Variants in RIGI observed in about 807,000 individuals in gnomAD.
The protein encoded by RIGI is RNA sensor RIG-I.
At chr9:32,504,397 G>A in the RIGI span, among the ~76,000 whole-genome samples, 31 of 152,228 alleles carry the variant, frequency 2.0e-4, no homozygotes, top group African/African-American at 7.5e-4. Context: ...AGTTGTCACA[G>A]CCCGGCACAG....
chr9:32,508,828 C>A, the RIGI span, among the ~76,000 whole-genome samples: 1 of 152,172 alleles, frequency 6.6e-6, no homozygotes, highest in African/African-American at 2.4e-5. Context: ...CCCTACAGAG[C>A]CCAGCAAGCT....
chr9:32,469,554 G>A, the RIGI span, among the ~76,000 whole-genome samples: 5 of 152,172 alleles, frequency 3.3e-5, no homozygotes, highest in Admixed American at 3.3e-4. Context: ...TCCGAACTGC[G>A]GGTTCTATGG....
the RIGI span, among the ~76,000 whole-genome samples, chr9:32,500,450 T>C: frequency 1.8e-4 from 27 of 152,346 alleles, no homozygotes; most frequent in Non-Finnish European, 3.1e-4. Context: ...TTTTGTTAGA[T>C]TTATTCCTAA....
the RIGI span, chr9:32,481,194 G>T: frequency 2.8e-6 from 2 of 702,330 alleles, no homozygotes; most frequent in Admixed American, 2.9e-5. Flanking sequence ...GACAACTTTT[G>T]GAGTTTGCTT....
At chr9:32,501,598 C>T in the RIGI span, among the ~76,000 whole-genome samples, 1 of 152,126 alleles carries the variant, frequency 6.6e-6, no homozygotes, top group Non-Finnish European at 1.5e-5. Context: ...GGTGGTCATT[C>T]TAACTTTGTA....
At chr9:32,485,652 T>C in the RIGI span, 3 of 389,332 alleles carry the variant, frequency 7.7e-6, no homozygotes, top group African/African-American at 2.2e-5. Flanking sequence ...GTGATTCTTC[T>C]GCCTCAGCCT....
At chr9:32,499,933 C>CT in the RIGI span, among the ~76,000 whole-genome samples, 1 of 152,172 alleles carries the variant, frequency 6.6e-6, no homozygotes, top group Admixed American at 6.6e-5. Context: ...GTTTGTTCGG[C>CT]TTTTAATATT....
chr9:32,457,461 G>A, the RIGI span: 3 of 1,421,060 alleles, frequency 2.1e-6, no homozygotes, highest in Middle Eastern at 1.9e-4. Flanking sequence ...GAGAACGTTA[G>A]AACCAGTACA....
At chr9:32,490,514 A>G in the RIGI span, among the ~76,000 whole-genome samples, 1 of 152,184 alleles carries the variant, frequency 6.6e-6, no homozygotes, top group Non-Finnish European at 1.5e-5. Context: ...AAAACAAAAC[A>G]AAACAAAAAA....
At chr9:32,514,447 C>T in the RIGI span, among the ~76,000 whole-genome samples, 1 of 152,100 alleles carries the variant, frequency 6.6e-6, no homozygotes, top group Non-Finnish European at 1.5e-5. Flanking sequence ...AAGCTGGAAA[C>T]CATCATTCTC....
the RIGI span, among the ~76,000 whole-genome samples, chr9:32,471,481 T>G: frequency 1.3e-5 from 2 of 152,294 alleles, no homozygotes; most frequent in East Asian, 3.9e-4. Context: ...AAATAATGAT[T>G]AAAAGGTCCA....
At chr9:32,459,639 G>T in the RIGI span, 1 of 907,172 alleles carries the variant, frequency 1.1e-6, no homozygotes, top group Non-Finnish European at 1.6e-6. Context: ...CAACTTCCAT[G>T]AACATATGGT....
the RIGI span, among the ~76,000 whole-genome samples, chr9:32,469,614 CGTAA>C: frequency 3.9e-5 from 6 of 152,180 alleles, no homozygotes; most frequent in Admixed American, 3.9e-4. Context: ...CTTAGACTAG[CGTAA>C]GTGGGTTTCT....
chr9:32,457,508 C>T, the RIGI span: 1 of 1,070,538 alleles, frequency 9.3e-7, no homozygotes. Flanking sequence ...GAAAACCCCA[C>T]AATAATCTGA....
At chr9:32,503,136 T>G in the RIGI span, among the ~76,000 whole-genome samples, 7 of 152,258 alleles carry the variant, frequency 4.6e-5, no homozygotes, top group South Asian at 1.5e-3. Context: ...TCCTTACAGC[T>G]GTACTTTTGT....
the RIGI span, among the ~76,000 whole-genome samples, chr9:32,504,068 C>CACACACACA: frequency 1.3e-5 from 2 of 151,334 alleles, no homozygotes; most frequent in African/African-American, 2.4e-5. Flanking sequence ...CACACACACA[C>CACACACACA]CCAGGTCTGC....
At chr9:32,462,487 C>T in the RIGI span, among the ~76,000 whole-genome samples, 4 of 141,968 alleles carry the variant, frequency 2.8e-5, no homozygotes, top group Non-Finnish European at 4.5e-5. Flanking sequence ...CAGCTCACTG[C>T]AACTTCCAGC....
chr9:32,506,394 TGA>T, the RIGI span, among the ~76,000 whole-genome samples: 11 of 152,218 alleles, frequency 7.2e-5, no homozygotes, highest in Admixed American at 7.2e-4. Context: ...TTTGCAAAAC[TGA>T]GAGACAAAAA....
chr9:32,492,966 C>T, the RIGI span, among the ~76,000 whole-genome samples: 1 of 152,178 alleles, frequency 6.6e-6, no homozygotes, highest in African/African-American at 2.4e-5. Flanking sequence ...TTATTGTACA[C>T]ATACTCTGTG....
Sources: gnomAD v4.1 joint callset for allele counts (sites outside exome capture counted in the v4.1 genomes callset) on GRCh38, gnomAD v4.1.1 for gene constraint, MANE v1.5 for transcripts, NCBI Gene and HGNC (gene_info 2026-07-23, HGNC 2026-07-21) for gene names.